ANKRD36: variants seen among roughly 807,000 people sequenced by gnomAD.
The protein encoded by ANKRD36 is ankyrin repeat domain-containing protein 36A.
A neutral mutation model predicts 278.1 loss-of-function variants in ANKRD36; 179 were observed. The observed-to-expected ratio is 0.64, with a 90% CI of 0.57 to 0.73. ANKRD36 has a LOEUF of 0.73. ANKRD36 is among the 30% of genes least tolerant of loss of function. ANKRD36 has a pLI of 0.00. For synonymous variants in ANKRD36, 320 were observed against 641.1 expected, an observed-to-expected ratio of 0.50 and a Z score of 7.57; for missense variants, 1,159 against 1,956.7, an observed-to-expected ratio of 0.59 and a Z score of 7.69.
intron 3 of ANKRD36, among the ~76,000 whole-genome samples, chr2:97,120,939 G>A (rs10208126): frequency 0.79 from 120,160 of 151,484 alleles, 49,162 homozygotes; most frequent in Non-Finnish European, 0.89. Context: ...CTCAGGTTTT[G>A]GATGCTGTGC....
intron 32 of ANKRD36, among the ~76,000 whole-genome samples, chr2:97,188,543 C>T (rs1425141150): frequency 2.7e-5 from 4 of 146,130 alleles, no homozygotes; most frequent in Non-Finnish European, 4.6e-5. Context: ...TAGGTATCAG[C>T]AAACAGATAT....
intron 66 of ANKRD36, among the ~76,000 whole-genome samples, chr2:97,220,756 ATTTTC>A (rs1413393811): frequency 6.0e-5 from 4 of 66,256 alleles, no homozygotes; most frequent in African/African-American, 3.1e-4. Context: ...TTAATTTTTA[ATTTTC>A]TTTTTTTTTT....
chr2:97,163,985 C>G, intron 18 of ANKRD36: 5 of 1,197,422 alleles, frequency 4.2e-6, no homozygotes, highest in Non-Finnish European at 5.2e-6. Context: ...TTGGCTTCAT[C>G]CAGCTGATTC....
intron 54 of ANKRD36, among the ~76,000 whole-genome samples, chr2:97,209,429 G>T (rs1231317927): frequency 1.4e-5 from 2 of 146,380 alleles, no homozygotes; most frequent in African/African-American, 5.3e-5. Context: ...AGATTGACAC[G>T]GTTTTATTTT....
chr2:97,205,858 G>A, intron 50 of ANKRD36, 82 bp from the exon 51 acceptor site: 1 of 1,464,240 alleles, frequency 6.8e-7, no homozygotes, highest in South Asian at 1.2e-5. Context: ...GAGGACAGAG[G>A]TTGATGCTAA....
chr2:97,164,262 T>C (rs757523854), intron 18 of ANKRD36, 21 bp from the exon 19 acceptor site: 3 of 1,527,426 alleles, frequency 2.0e-6, no homozygotes, highest in South Asian at 2.4e-5. Flanking sequence ...TAGTCAATTA[T>C]GTGTTCCTTT....
chr2:97,226,573 G>A (rs2069718283), intron 67 of ANKRD36, among the ~76,000 whole-genome samples: 1 of 151,760 alleles, frequency 6.6e-6, no homozygotes, highest in African/African-American at 2.4e-5. Flanking sequence ...CATGTTGTAG[G>A]TTGCCTGTTC....
intron 28 of ANKRD36, among the ~76,000 whole-genome samples, chr2:97,184,114 A>C (rs1024292449): frequency 9.9e-5 from 15 of 151,820 alleles, no homozygotes; most frequent in African/African-American, 3.4e-4. Flanking sequence ...ATCAAGAAAG[A>C]GGGATTGCAA....
intron 15 of ANKRD36, among the ~76,000 whole-genome samples, chr2:97,156,681 A>G (rs531131073): frequency 1.4e-5 from 2 of 138,868 alleles, no homozygotes; most frequent in African/African-American, 2.6e-5. Flanking sequence ...CAATAAACAT[A>G]CGTGTGCATG....
intron 44 of ANKRD36, among the ~76,000 whole-genome samples, chr2:97,199,240 G>C (rs1163479829): frequency 4.0e-5 from 6 of 151,840 alleles, no homozygotes; most frequent in African/African-American, 1.2e-4. Context: ...ATTTGATTTT[G>C]GCTACTCCAG....
At chr2:97,207,427 T>C (rs1318425337) in intron 52 of ANKRD36, among the ~76,000 whole-genome samples, 7 of 151,614 alleles carry the variant, frequency 4.6e-5, no homozygotes, top group African/African-American at 1.7e-4. Flanking sequence ...ATCCTTTTTA[T>C]TTCCTGCATG....
intron 43 of ANKRD36, 44 bp downstream of exon 43, chr2:97,198,535 T>C (rs2060439391): frequency 6.4e-7 from 1 of 1,565,388 alleles, no homozygotes. Context: ...AAATGCATAG[T>C]CTATGAAACA....
At chr2:97,191,940 C>G (rs962920934) in intron 36 of ANKRD36, among the ~76,000 whole-genome samples, 1 of 151,604 alleles carries the variant, frequency 6.6e-6, no homozygotes, top group African/African-American at 2.4e-5. Context: ...GTTCAAGGAG[C>G]TACCTCTTGG....
At chr2:97,199,194 C>G (rs1323221528) in intron 44 of ANKRD36, among the ~76,000 whole-genome samples, 7 of 151,844 alleles carry the variant, frequency 4.6e-5, no homozygotes, top group African/African-American at 1.4e-4. Context: ...TGAGTGAACT[C>G]ACTTCAGATG....
At chr2:97,181,514 A>C (rs1241421544) in intron 24 of ANKRD36, 84 bp from the exon 25 acceptor site, 1 of 1,573,300 alleles carries the variant, frequency 6.4e-7, no homozygotes, top group Non-Finnish European at 8.6e-7. Flanking sequence ...AGGAAGATAC[A>C]GCTTGATGCT....
chr2:97,176,000 T>C (rs1422147909), intron 22 of ANKRD36, among the ~76,000 whole-genome samples: 1 of 151,882 alleles, frequency 6.6e-6, no homozygotes, highest in African/African-American at 2.4e-5. Flanking sequence ...TAGTTTGTTA[T>C]AATTTCTGTT....
At chr2:97,231,702 T>G (rs1159789809) in intron 67 of ANKRD36, among the ~76,000 whole-genome samples, 1 of 152,118 alleles carries the variant, frequency 6.6e-6, no homozygotes, top group Non-Finnish European at 1.5e-5. Context: ...CAGATGGAAA[T>G]GCAGAAACCA....
intron 44 of ANKRD36, 135 bp downstream of exon 44, chr2:97,198,793 A>G (rs2060506974): frequency 9.4e-7 from 1 of 1,061,338 alleles, no homozygotes; most frequent in South Asian, 1.7e-5. Context: ...CATTTCAAAT[A>G]AGTTCTTGGG....
At chr2:97,210,274 T>C (rs531880956) in intron 56 of ANKRD36, among the ~76,000 whole-genome samples, 5 of 151,926 alleles carry the variant, frequency 3.3e-5, no homozygotes, top group Non-Finnish European at 5.9e-5. Flanking sequence ...CCGTGTACAG[T>C]GTAGGAGAAC....
Sources: allele counts gnomAD v4.1 joint callset (sites outside exome capture counted in the v4.1 genomes callset), GRCh38; gene constraint gnomAD v4.1.1; transcripts MANE v1.5; gene names NCBI Gene and HGNC (gene_info 2026-07-23, HGNC 2026-07-21).